ABCB5: variants seen among roughly 807,000 people sequenced by gnomAD.
The protein encoded by ABCB5 is ATP binding cassette subfamily B member 5.
In ABCB5, 155 loss-of-function variants were observed where a neutral mutation model predicts 144.2. The ratio of observed to expected loss-of-function variants is 1.08; its 90% confidence interval spans 0.94 to 1.23. The LOEUF (loss-of-function observed/expected upper bound fraction) is 1.23, where lower values mean the gene tolerates loss of function less well. ABCB5 is among the 50% of genes most tolerant of loss of function. ABCB5 has a pLI of 0.00. For missense variants in ABCB5, 1,830 were observed against 1,520.8 expected (o/e 1.20, Z -3.38); for synonymous variants, 610 against 528.6 (o/e 1.15, Z -2.11).
At chr7:20,674,678 A>C (rs917409565) in intron 14 of ABCB5, among the ~76,000 whole-genome samples, 1 of 151,674 alleles carries the variant, frequency 6.6e-6, no homozygotes, top group African/African-American at 2.4e-5. Context: ...AAAAAGAAAA[A>C]AGAAGTGTCA....
Position 20,659,786 on chromosome 7 carries a change from C to T in ABCB5, c.1707+1110C>T, listed in dbSNP as rs111725798. On this transcript the variant is annotated intron_variant, in intron 14 of 27. Coordinates refer to ENST00000404938, the MANE Select transcript of ABCB5 (RefSeq NM_001163941.2). The stretch of plus-strand genomic sequence containing the variant: ...GCAACCTCTGCCCACTGTGTTCAAG[C>T]GATTCTCCTGCCTCAGCCTCCTGAG... 5.6e-3 allele frequency: 5,479 copies of T among 981,960 alleles called. 211 individuals are homozygous for T. The African/African-American group carries it at 0.086, about 15-fold the overall frequency. 60.8% of individuals were successfully genotyped at this position (981,960 alleles called of 1,614,324 possible).
intron 13 of ABCB5, among the ~76,000 whole-genome samples, chr7:20,658,153 T>C (rs895278200): frequency 1.3e-5 from 2 of 152,104 alleles, no homozygotes; most frequent in Non-Finnish European, 2.9e-5. Context: ...AGAAAATAGG[T>C]ATTTGTATTA....
Position 20,643,547 on chromosome 7 carries a change from T to C in ABCB5, c.593T>C (p.Val198Ala), listed in dbSNP as rs150545949. The C allele has an allele frequency of 0.012, 19,641 of 1,613,982 alleles. 149 individuals are homozygous for C. The highest frequency in any genetic ancestry group is 0.016 in the South Asian group (1,418 of 91,082). ...TCTACTTTTTCGATTGGCCTGGCAG[T>C]TGGTTTGGTGAAGGGCTGGAAACTC... is the stretch of plus-strand genomic sequence containing the variant. Reference protein sequence around the residue: ...NMSTFSIGLAVGLVKGWKLTL... With the variant: ...NMSTFSIGLAAGLVKGWKLTL... The change falls in exon 7 of 28, where the codon GTT becomes GCT. Residue 198 changes from valine (V) to alanine (A), a missense_variant. Physicochemically the swap from Val to Ala is moderately conservative, Grantham distance 64 (BLOSUM62 0). Coordinates refer to ENST00000404938, the MANE Select transcript of ABCB5 (RefSeq NM_001163941.2).
chr7:20,667,444 C>G, intron 14 of ABCB5: 7 of 985,498 alleles, frequency 7.1e-6, no homozygotes, highest in Non-Finnish European at 8.4e-6. Context: ...CAGACCTTTT[C>G]TAGTTGCAAC....
rs751616477 is a variant in ABCB5, at chr7:20,651,601, A to AT, written c.1518dup (p.Ile507TyrfsTer6). 1.9e-6 allele frequency: 3 copies of AT among 1,614,054 alleles called. No homozygotes were observed. Among genetic ancestry groups the AT allele is most frequent in the South Asian group, 2.2e-5 (2 of 91,078 alleles). ...GCAGCAAGGGAAGCAAATGCGTATGATTTTATCATGGAGTTTCCTAATGTG... is the reference window on the plus strand; with the variant it reads ...GCAGCAAGGGAAGCAAATGCGTATGATTTTTATCATGGAGTTTCCTAATGTG... On this transcript the variant is annotated frameshift_variant, in exon 13 of 28. Transcript: ENST00000404938. LOFTEE classifies it high-confidence loss of function.
At chr7:20,673,042 GA>G (rs998095601) in intron 14 of ABCB5, among the ~76,000 whole-genome samples, 2 of 151,444 alleles carry the variant, frequency 1.3e-5, no homozygotes, top group African/African-American at 4.9e-5. Context: ...TCATTTACTT[GA>G]AAAATTTTAT....
intron 4 of ABCB5, among the ~76,000 whole-genome samples, chr7:20,629,325 G>A (rs1311317387): frequency 1.3e-5 from 2 of 152,124 alleles, no homozygotes; most frequent in East Asian, 3.8e-4. Context: ...CTGACGTTAC[G>A]TAGGAATCAT....
intron 16 of ABCB5, among the ~76,000 whole-genome samples, chr7:20,689,470 A>T (rs2128041002): frequency 6.6e-6 from 1 of 152,262 alleles, no homozygotes; most frequent in Middle Eastern, 3.4e-3. Flanking sequence ...GCTAGCCAAG[A>T]TTGTCATCTG....
chr7:20,726,072 C>T (rs1426045673), intron 21 of ABCB5, among the ~76,000 whole-genome samples: 1 of 152,204 alleles, frequency 6.6e-6, no homozygotes, highest in Non-Finnish European at 1.5e-5. Flanking sequence ...CACATGTTCT[C>T]ATGTCCGAAA....
intron 15 of ABCB5, among the ~76,000 whole-genome samples, chr7:20,681,943 A>C (rs1036049452): frequency 6.6e-6 from 1 of 152,154 alleles, no homozygotes; most frequent in Non-Finnish European, 1.5e-5. Flanking sequence ...AGGGTGGCTC[A>C]CACCTGCAAT....
chr7:20,698,049 C>T (rs997063697), intron 16 of ABCB5, among the ~76,000 whole-genome samples: 27 of 152,082 alleles, frequency 1.8e-4, no homozygotes, highest in African/African-American at 6.5e-4. Context: ...TTTTCTTATC[C>T]TGTAGTACAA....
At chr7:20,721,863 C>A (rs1236167981) in intron 20 of ABCB5, among the ~76,000 whole-genome samples, 1 of 152,150 alleles carries the variant, frequency 6.6e-6, no homozygotes, top group African/African-American at 2.4e-5. Context: ...ATAGCATTCT[C>A]TTCCTTTTTA....
At chr7:20,653,953 A>G (rs1006956810) in intron 13 of ABCB5, among the ~76,000 whole-genome samples, 11 of 152,214 alleles carry the variant, frequency 7.2e-5, no homozygotes, top group Non-Finnish European at 1.5e-4. Context: ...CAAAAAAGCC[A>G]CACCTTAGGA....
intron 16 of ABCB5, among the ~76,000 whole-genome samples, chr7:20,691,069 G>GA (rs1305184275): frequency 6.0e-5 from 9 of 148,992 alleles, no homozygotes; most frequent in Non-Finnish European, 1.5e-5. Flanking sequence ...TGTGGAAGGA[G>GA]AAATAAATGA....
chr7:20,729,895 T>C (rs1782153729), intron 23 of ABCB5, among the ~76,000 whole-genome samples: 2 of 152,224 alleles, frequency 1.3e-5, no homozygotes, highest in African/African-American at 4.8e-5. Flanking sequence ...GGACATTACT[T>C]TGAATATCCT....
Position 20,723,236 on chromosome 7 carries a change from T to C in ABCB5, c.2625+17T>C, listed in dbSNP as rs1310126181. The C allele has an allele frequency of 4.3e-6, 7 of 1,611,580 alleles. No individual in the cohort carries two copies. Among genetic ancestry groups the C allele is most frequent in the Non-Finnish European group, 5.9e-6 (7 of 1,178,264 alleles). ...GCTGGAAAGGTAAAATGAAGACTGTTATCACCATCGTAACATTTAAAGAGA... is the reference window on the plus strand; with the variant it reads ...GCTGGAAAGGTAAAATGAAGACTGTCATCACCATCGTAACATTTAAAGAGA... On this transcript the variant is annotated intron_variant, in intron 21 of 27. Transcript: ENST00000404938.
At chr7:20,750,452 G>A (rs937661212) in intron 26 of ABCB5, among the ~76,000 whole-genome samples, 8 of 151,702 alleles carry the variant, frequency 5.3e-5, no homozygotes, top group African/African-American at 1.9e-4. Flanking sequence ...AATTGTGTAT[G>A]TTTGATGAAA....
At chr7:20,622,113 G>A (rs1018792271) in intron 1 of ABCB5, among the ~76,000 whole-genome samples, 1 of 152,124 alleles carries the variant, frequency 6.6e-6, no homozygotes, top group Admixed American at 6.5e-5. Flanking sequence ...ATTATTTATT[G>A]AGAATAGAAC....
In ABCB5 at chr7:20,632,059, C is replaced by T; in HGVS notation, c.260C>T (p.Thr87Ile). ...ATATTTTAAATAACCTTTTTTACAGCAAATTATCAGAACTGTACTCAGTCT... is the reference window on the plus strand; with the variant it reads ...ATATTTTAAATAACCTTTTTTACAGTAAATTATCAGAACTGTACTCAGTCT... ...ISGCLVQTNTTNYQNCTQSQE... is the reference protein window; with the variant it reads ...ISGCLVQTNTINYQNCTQSQE... The change falls in exon 5 of 28, where the codon ACA (threonine) becomes ATA (isoleucine). Residue 87 changes from threonine to isoleucine, a missense_variant and splice_region_variant. Thr to Ile is a moderately conservative substitution (Grantham distance 89). Coordinates refer to ENST00000404938, the MANE Select transcript of ABCB5 (RefSeq NM_001163941.2). The T allele has an allele frequency of 6.6e-7, 1 of 1,504,728 alleles. No individual in the cohort carries two copies. The highest frequency in any genetic ancestry group is 8.9e-7 in the Non-Finnish European group (1 of 1,123,942). The allele number at this position is 1,504,728 out of a possible 1,614,324, so 93.2% of individuals were successfully genotyped here. A position where few individuals can be genotyped will look rare whatever the true frequency, so the allele number is the denominator to read the frequency against.
Sources: gnomAD v4.1 joint callset for allele counts (sites outside exome capture counted in the v4.1 genomes callset) on GRCh38, gnomAD v4.1.1 for gene constraint, MANE v1.5 for transcripts, NCBI Gene and HGNC (gene_info 2026-07-23, HGNC 2026-07-21) for gene names.